Variants in DHRSX observed in about 807,000 individuals in gnomAD.
DHRSX encodes the protein polyprenol dehydrogenase.
A neutral mutation model predicts 34.0 loss-of-function variants in DHRSX; 31 were observed. That is an observed-to-expected ratio of 0.91 (90% CI 0.69 to 1.23). DHRSX has a LOEUF of 1.23. DHRSX is among the 50% of genes most tolerant of loss of function. The pLI is 0.00. For missense variants in DHRSX, 414 were observed against 428.1 expected, an observed-to-expected ratio of 0.97 and a Z score of 0.29; for synonymous variants, 201 against 183.8, an observed-to-expected ratio of 1.09 and a Z score of -0.76.
intron 3 of DHRSX, among the ~76,000 whole-genome samples, chrX:2,294,128 G>C (rs749706694): frequency 6.6e-6 from 1 of 151,936 alleles, no homozygotes; most frequent in Non-Finnish European, 1.5e-5. Context: ...GGGAGGAAAA[G>C]GGGAAGAGAG....
chrX:2,498,957 T>A (rs1374499725), intron 1 of DHRSX, among the ~76,000 whole-genome samples: 1 of 152,072 alleles, frequency 6.6e-6, no homozygotes, highest in Non-Finnish European at 1.5e-5. Flanking sequence ...GTAATTATGC[T>A]AAGTGGGTTT....
At chrX:2,344,875 A>G (rs1253041717) in intron 3 of DHRSX, among the ~76,000 whole-genome samples, 1 of 3,252 alleles carries the variant, frequency 3.1e-4, no homozygotes, top group East Asian at 1.8e-3. Flanking sequence ...AAAGAAGCAT[A>G]TATATATATA....
Position 2,231,951 on chromosome X carries a change from T to TCTC in DHRSX, c.805-10725_805-10723dup, listed in dbSNP as rs1491202667. Among the ~76,000 whole-genome samples, 10 of 112,344 alleles carry TCTC rather than the reference T, an allele frequency of 8.9e-5. No individual in the cohort carries two copies. In the East Asian group the frequency reaches 2.7e-3, roughly 31 times the overall value. The allele number at this position is 112,344 out of a possible 152,430, so 73.7% of individuals were successfully genotyped here. On this transcript the variant is annotated intron_variant, in intron 6 of 6. Transcript: ENST00000334651. ...CTTTCTCTTCCTCTTCTCTCCTCCT[T>TCTC]CTCTTTTCTTTCTGCCCTTCTTTCC... is the stretch of plus-strand genomic sequence containing the variant.
chrX:2,493,690 C>T (rs1163203437), intron 1 of DHRSX, among the ~76,000 whole-genome samples: 3 of 152,036 alleles, frequency 2.0e-5, no homozygotes, highest in African/African-American at 4.8e-5. Flanking sequence ...TATGCTGGCA[C>T]CAGGCACAGC....
chrX:2,285,262 C>A (rs2041791432), intron 4 of DHRSX, among the ~76,000 whole-genome samples: 1 of 152,082 alleles, frequency 6.6e-6, no homozygotes, highest in African/African-American at 2.4e-5. Context: ...TCAGTGGGAG[C>A]CCTGAGCTTG....
intron 4 of DHRSX, among the ~76,000 whole-genome samples, chrX:2,283,009 G>T (rs1019190712): frequency 6.6e-6 from 1 of 151,526 alleles, no homozygotes. Context: ...GAGGTGGAAA[G>T]AGAGAATGAC....
intron 1 of DHRSX, among the ~76,000 whole-genome samples, chrX:2,451,281 G>C (rs1384498253): frequency 6.7e-6 from 1 of 148,714 alleles, no homozygotes; most frequent in African/African-American, 2.5e-5. Flanking sequence ...GTGCACAAAG[G>C]CAGCCAGGGA....
intron 3 of DHRSX, among the ~76,000 whole-genome samples, chrX:2,405,163 C>G (rs2051289862): frequency 6.6e-6 from 1 of 152,128 alleles, no homozygotes; most frequent in African/African-American, 2.4e-5. Flanking sequence ...AGGCTCAGCT[C>G]TGTGTAGCGT....
Position 2,500,903 on chromosome X carries a change from C to G in DHRSX, c.23G>C (p.Arg8Pro). 4.4e-6 allele frequency: 5 copies of G among 1,124,038 alleles called. No individual in the cohort carries two copies. The highest frequency in any genetic ancestry group is 5.5e-6 in the Non-Finnish European group (5 of 916,270). 69.6% of individuals were successfully genotyped at this position (1,124,038 alleles called of 1,614,324 possible). Residue 8 changes from arginine (R) to proline (P), a missense_variant, in exon 1 of 7, where the codon CGG (arginine) becomes CCG (proline). Arg to Pro is a moderately radical substitution (Grantham distance 103). Coordinates refer to ENST00000334651, the MANE Select transcript of DHRSX (RefSeq NM_145177.3). ...TACCGCGTAGACCCGCAGGGCCGCCCGCGCCGCAGACAATGGCGACATGGC... is the reference window on the plus strand; with the variant it reads ...TACCGCGTAGACCCGCAGGGCCGCCGGCGCCGCAGACAATGGCGACATGGC... MSPLSAA[R>P]AALRVYAVGA...
intron 3 of DHRSX, among the ~76,000 whole-genome samples, chrX:2,334,041 A>C (rs1477272299): frequency 2.0e-5 from 3 of 152,182 alleles, no homozygotes; most frequent in Non-Finnish European, 4.4e-5. Flanking sequence ...GCTATTGCAA[A>C]TAATGCTGCA....
intron 1 of DHRSX, among the ~76,000 whole-genome samples, chrX:2,450,888 A>G (rs5982608): frequency 0.63 from 95,104 of 151,738 alleles, 32,294 homozygotes; most frequent in African/African-American, 0.9. Flanking sequence ...AGGTGATGAG[A>G]TCATGGGGAT....
rs139351509 is a variant in DHRSX, at chrX:2,380,904, C to T, written c.286+27841G>A. 8.6e-3 allele frequency among the ~76,000 whole-genome samples: 1,307 copies of T among 152,244 alleles called. 15 individuals are homozygous for T. The highest frequency in any genetic ancestry group is 0.029 in the African/African-American group (1,194 of 41,548). ...TTTTTGAGACGGAGTCTCACACAGT[C>T]GCCAGGCTGGAGTGCAGTGGTGTGA... On this transcript the variant is annotated intron_variant, in intron 3 of 6. Transcript: ENST00000334651.
intron 1 of DHRSX, chrX:2,490,285 G>C (rs777092860): frequency 1.2e-6 from 2 of 1,613,580 alleles, no homozygotes; most frequent in Admixed American, 1.7e-5. Flanking sequence ...AGGTGGGCTC[G>C]TCCACGATGG....
chrX:2,469,067 G>A (rs1057494446), intron 1 of DHRSX, among the ~76,000 whole-genome samples: 1 of 149,718 alleles, frequency 6.7e-6, no homozygotes, highest in African/African-American at 2.5e-5. Flanking sequence ...ACACACTGAA[G>A]GCATTCCGAA....
At chrX:2,457,295 C>A (rs1192053928) in intron 1 of DHRSX, among the ~76,000 whole-genome samples, 1 of 146,594 alleles carries the variant, frequency 6.8e-6, no homozygotes, top group East Asian at 2.1e-4. Flanking sequence ...AATGTGGCAG[C>A]GGGATGGCCA....
At chrX:2,359,724 C>T (rs1477975171) in intron 3 of DHRSX, among the ~76,000 whole-genome samples, 1 of 151,914 alleles carries the variant, frequency 6.6e-6, no homozygotes, top group Non-Finnish European at 1.5e-5. Flanking sequence ...ACATAGACAC[C>T]ATGGAATACT....
At chrX:2,274,192 G>A (rs958133042) in intron 4 of DHRSX, among the ~76,000 whole-genome samples, 23 of 150,134 alleles carry the variant, frequency 1.5e-4, no homozygotes, top group Admixed American at 1.2e-3. Flanking sequence ...CACCTGCCCC[G>A]ATGGCCAGCT....
At chrX:2,287,461 A>G (rs967555910) in intron 4 of DHRSX, among the ~76,000 whole-genome samples, 6 of 152,150 alleles carry the variant, frequency 3.9e-5, no homozygotes, top group African/African-American at 1.4e-4. Context: ...TCCACATCCT[A>G]ATCCCCATGT....
At chrX:2,274,329 C>T (rs1180155906) in intron 4 of DHRSX, among the ~76,000 whole-genome samples, 2 of 151,858 alleles carry the variant, frequency 1.3e-5, no homozygotes, top group Non-Finnish European at 2.9e-5. Flanking sequence ...TGAGCCACTG[C>T]ACCCAGCCCT....
Sources: allele counts gnomAD v4.1 joint callset (sites outside exome capture counted in the v4.1 genomes callset), GRCh38; gene constraint gnomAD v4.1.1; transcripts MANE v1.5; gene names NCBI Gene and HGNC (gene_info 2026-07-23, HGNC 2026-07-21).